ROBO2: variants seen among roughly 807,000 people sequenced by gnomAD.
The protein encoded by ROBO2 is roundabout homolog 2.
In ROBO2, 53 loss-of-function variants were observed where a neutral mutation model predicts 160.8. That is an observed-to-expected ratio of 0.33 (90% CI 0.26 to 0.41). The LOEUF is 0.41. Among genes scored for constraint, ROBO2 ranks in the 10% least tolerant of loss-of-function variants. ROBO2 has a pLI of 1.00. For synonymous variants in ROBO2, 664 were observed against 611.7 expected, an observed-to-expected ratio of 1.09 and a Z score of -1.26; for missense variants, 1,577 against 1,722.4, an observed-to-expected ratio of 0.92 and a Z score of 1.49.
intron 2 of ROBO2, among the ~76,000 whole-genome samples, chr3:75,950,284 C>T (rs1467698921): frequency 6.6e-6 from 1 of 152,036 alleles, no homozygotes; most frequent in African/African-American, 2.4e-5. Flanking sequence ...CTTTCCTTTC[C>T]ATCCTCCTCA....
chr3:76,124,710 T>C (rs1576956827), intron 2 of ROBO2, among the ~76,000 whole-genome samples: 1 of 146,114 alleles, frequency 6.8e-6, no homozygotes, highest in Non-Finnish European at 1.5e-5. Context: ...ACTTCTCAAA[T>C]TAATCTAGAA....
At chr3:76,174,873 A>G (rs1364573726) in intron 2 of ROBO2, among the ~76,000 whole-genome samples, 5 of 152,066 alleles carry the variant, frequency 3.3e-5, no homozygotes, top group African/African-American at 9.7e-5. Flanking sequence ...TATAAAATTT[A>G]AGGTAGGTTT....
intron 2 of ROBO2, among the ~76,000 whole-genome samples, chr3:76,294,009 G>C (rs1465818180): frequency 6.6e-6 from 1 of 152,092 alleles, no homozygotes; most frequent in Non-Finnish European, 1.5e-5. Context: ...GATGTTCATC[G>C]GCACCCAAAG....
At chr3:77,078,688 C>T (rs1559961261) in intron 1 of ROBO2, among the ~76,000 whole-genome samples, 1 of 152,132 alleles carries the variant, frequency 6.6e-6, no homozygotes, top group East Asian at 1.9e-4. Context: ...AAATGTAAAA[C>T]AGAGTTGGGC....
At chr3:75,928,770 C>CGT (rs749009879) in intron 1 of ROBO2, among the ~76,000 whole-genome samples, 37 of 151,110 alleles carry the variant, frequency 2.4e-4, no homozygotes, top group South Asian at 1.3e-3. Context: ...CTGGTTAAGA[C>CGT]GTGTGTGTGT....
At chr3:76,792,349 G>A (rs2063414995) in intron 2 of ROBO2, among the ~76,000 whole-genome samples, 1 of 151,662 alleles carries the variant, frequency 6.6e-6, no homozygotes, top group South Asian at 2.1e-4. Flanking sequence ...TTGGGGATTG[G>A]AGCATCCCCT....
chr3:76,583,425 G>C (rs1345860044), intron 2 of ROBO2, among the ~76,000 whole-genome samples: 14 of 152,180 alleles, frequency 9.2e-5, no homozygotes, highest in Admixed American at 9.2e-4. Context: ...ACACTTTCCG[G>C]AACATTCTAC....
At chr3:77,236,248 C>T (rs764304163) in intron 2 of ROBO2, among the ~76,000 whole-genome samples, 4 of 152,176 alleles carry the variant, frequency 2.6e-5, no homozygotes, top group Non-Finnish European at 4.4e-5. Context: ...GACCTGGAAT[C>T]AGTTGAAAGA....
chr3:76,521,158 C>T (rs2081595124), intron 2 of ROBO2, among the ~76,000 whole-genome samples: 1 of 150,196 alleles, frequency 6.7e-6, no homozygotes, highest in African/African-American at 2.5e-5. Flanking sequence ...AAGCAATTCT[C>T]CCACCTCAGC....
intron 2 of ROBO2, among the ~76,000 whole-genome samples, chr3:76,560,323 T>A (rs1202228588): frequency 6.6e-6 from 1 of 152,146 alleles, no homozygotes; most frequent in African/African-American, 2.4e-5. Flanking sequence ...ATATGTTGCA[T>A]GAGACCAAGT....
chr3:77,112,682 A>G (rs1466223720), intron 2 of ROBO2, among the ~76,000 whole-genome samples: 1 of 152,204 alleles, frequency 6.6e-6, no homozygotes, highest in Non-Finnish European at 1.5e-5. Context: ...TCCCAAAGAG[A>G]GAATACATTT....
At chr3:76,298,055 C>A (rs543980673) in intron 2 of ROBO2, among the ~76,000 whole-genome samples, 2 of 152,234 alleles carry the variant, frequency 1.3e-5, no homozygotes, top group Admixed American at 6.5e-5. Context: ...TCATTAGTCC[C>A]AGCCCTGAAA....
At chr3:77,164,672 GC>G (rs1382641910) in intron 2 of ROBO2, among the ~76,000 whole-genome samples, 1 of 115,754 alleles carries the variant, frequency 8.6e-6, no homozygotes, top group Admixed American at 8.4e-5. Context: ...GGGGGGGTCA[GC>G]CCCCCGCCTG....
chr3:76,939,979 A>ATTTTTTTTT (rs71104641), intron 2 of ROBO2, among the ~76,000 whole-genome samples: 2,089 of 120,420 alleles, frequency 0.017, 175 homozygotes, highest in African/African-American at 0.069. Flanking sequence ...AAGCAACAGG[A>ATTTTTTTTT]TTTTTTTTTT....
chr3:77,170,634 GC>G (rs1192047182), intron 2 of ROBO2, among the ~76,000 whole-genome samples: 2 of 151,902 alleles, frequency 1.3e-5, no homozygotes, highest in Admixed American at 6.6e-5. Flanking sequence ...GTCCTATTTT[GC>G]CCTAATTATG....
At chr3:76,085,484 TA>T in intron 2 of ROBO2, among the ~76,000 whole-genome samples, 1 of 152,206 alleles carries the variant, frequency 6.6e-6, no homozygotes, top group East Asian at 1.9e-4. Flanking sequence ...TTTTTTTAAA[TA>T]AAAAATATAC....
chr3:76,988,642 G>A (rs1008384972), intron 2 of ROBO2, among the ~76,000 whole-genome samples: 1 of 151,768 alleles, frequency 6.6e-6, no homozygotes, highest in African/African-American at 2.4e-5. Context: ...ACTTCAATTT[G>A]CTGGTGTTGG....
At chr3:76,323,463 G>A (rs1576427014) in intron 2 of ROBO2, among the ~76,000 whole-genome samples, 2 of 152,090 alleles carry the variant, frequency 1.3e-5, no homozygotes, top group South Asian at 4.1e-4. Flanking sequence ...AACAAATTAA[G>A]TACTAATATC....
At chr3:77,327,195 C>T (rs973253532) in intron 2 of ROBO2, among the ~76,000 whole-genome samples, 4 of 152,074 alleles carry the variant, frequency 2.6e-5, no homozygotes, top group African/African-American at 9.7e-5. Context: ...CCGAATATAC[C>T]TTATGTAACT....
Sources: gnomAD v4.1 joint callset for allele counts (sites outside exome capture counted in the v4.1 genomes callset) on GRCh38, gnomAD v4.1.1 for gene constraint, MANE v1.5 for transcripts, NCBI Gene and HGNC (gene_info 2026-07-23, HGNC 2026-07-21) for gene names.